AP1G1: variants seen among roughly 807,000 people sequenced by gnomAD.
The protein encoded by AP1G1 is AP-1 complex subunit gamma-1.
In AP1G1, 7 loss-of-function variants were observed where a neutral mutation model predicts 108.3. The observed-to-expected ratio is 0.06, with a 90% CI of 0.04 to 0.12. The LOEUF (loss-of-function observed/expected upper bound fraction) is 0.12, where lower values mean the gene tolerates loss of function less well. Ranked by LOEUF, AP1G1 falls within the 10% of genes least tolerant of loss-of-function variation. AP1G1 has a pLI of 1.00. For missense variants in AP1G1, 756 were observed against 1,010.7 expected (o/e 0.75, Z 3.42); for synonymous variants, 379 against 353.5 (o/e 1.07, Z -0.81).
intron 3 of AP1G1, 189 bp downstream of exon 3, chr16:71,774,279 G>A (rs1034451595): frequency 7.1e-6 from 4 of 567,218 alleles, no homozygotes; most frequent in Non-Finnish European, 1.2e-5. Context: ...GCAGGAGGCT[G>A]AGGCAGGAGA....
At position 71,738,813 on chromosome 16, in the gene AP1G1, T is replaced by C. The variant is rs935130568; in HGVS notation, c.2268+129A>G. The C allele has an allele frequency of 2.7e-5, 22 of 824,468 alleles. 1 individual carries two copies. The highest frequency in any genetic ancestry group is 1.4e-4 in the African/African-American group (8 of 57,918). 51.1% of individuals were successfully genotyped at this position (824,468 alleles called of 1,614,324 possible). On this transcript the variant is annotated intron_variant, in intron 21 of 22. Transcript: ENST00000299980. ...CTTCCATGAACCATAAGCTACATTA[T>C]TGTTAGTTTGAATTAAGTCTACAAA...
chr16:71,748,267 A>G lies in AP1G1; in HGVS notation c.1609T>C (p.Phe537Leu). The G allele has an allele frequency of 6.2e-7, 1 of 1,614,086 alleles. No individual in the cohort carries two copies. Residue 537 changes from phenylalanine (F) to leucine (L), a missense_variant, in exon 16 of 23, where the codon TTC (phenylalanine) becomes CTC (leucine). By Grantham distance (22) the Phe-to-Leu change is conservative (BLOSUM62 0). Around this residue, in one of 3 missense-constraint regions of AP1G1, gnomAD observed 357 missense variants for 366.5 expected, o/e 0.97. Transcript: ENST00000299980. Reference protein sequence around the residue: ...LTAIMKLSTRFTCTVNRIKKV... With the variant: ...LTAIMKLSTRLTCTVNRIKKV... Reference sequence around the variant, plus strand: ...AATACTCACTTTACAGTACAAGTGAATCGAGTGGAAAGCTTCATAATGGCA... The same window carrying G: ...AATACTCACTTTACAGTACAAGTGAGTCGAGTGGAAAGCTTCATAATGGCA...
At position 71,730,099 on chromosome 16, in the gene AP1G1, G is replaced by A. The variant is rs2045463457; in HGVS notation, c.*2959C>T. The A allele has an allele frequency of 1.3e-5, 2 of 152,536 alleles. No homozygotes were observed. Among genetic ancestry groups the A allele is most frequent in the African/African-American group, 2.4e-5 (1 of 41,442 alleles). The allele number at this position is 152,536 out of a possible 1,614,324, so 9.4% of individuals were successfully genotyped here. A position where few individuals can be genotyped will look rare whatever the true frequency, so the allele number is the denominator to read the frequency against. ...AAGAGGAAAGAATCCCCTCCCAAAT[G>A]TTACACTGAGGAATGTTTCTTTAAA... On this transcript the variant is annotated 3_prime_UTR_variant, in exon 23 of 23. Transcript: ENST00000299980.
At chr16:71,808,060 G>A (rs1430717733) in intron 1 of AP1G1, 5 of 1,175,926 alleles carry the variant, frequency 4.3e-6, no homozygotes, top group African/African-American at 3.2e-5. Context: ...GTCCTAACCG[G>A]GAAACACAAT....
chr16:71,746,780 G>A, intron 16 of AP1G1, 88 bp from the exon 17 acceptor site: 1 of 921,992 alleles, frequency 1.1e-6, no homozygotes. Context: ...AGAATTTTCT[G>A]GTTAAAATAC....
chr16:71,741,656 G>A (rs936561832), intron 19 of AP1G1, among the ~76,000 whole-genome samples: 11 of 152,116 alleles, frequency 7.2e-5, no homozygotes, highest in Middle Eastern at 3.2e-3. Context: ...AAGCAAGCAC[G>A]AGAAGCTAAA....
chr16:71,769,921 T>C (rs2031503689), intron 5 of AP1G1, among the ~76,000 whole-genome samples: 1 of 152,232 alleles, frequency 6.6e-6, no homozygotes, highest in Non-Finnish European at 1.5e-5. Flanking sequence ...TTTCAACAAT[T>C]ATGTGATCAA....
chr16:71,794,459 C>T (rs1029037297), intron 1 of AP1G1, among the ~76,000 whole-genome samples: 1 of 151,854 alleles, frequency 6.6e-6, no homozygotes, highest in Non-Finnish European at 1.5e-5. Context: ...AAAAGTCTGA[C>T]TTAAGGGACA....
chr16:71,784,439 T>C (rs1433494389), intron 2 of AP1G1, among the ~76,000 whole-genome samples: 1 of 152,222 alleles, frequency 6.6e-6, no homozygotes, highest in East Asian at 1.9e-4. Flanking sequence ...ACTGGCCTTA[T>C]GCTCTAAATG....
Position 71,746,705 on chromosome 16 carries a change from T to G in AP1G1, c.1626-13A>C. ...TTTCTTAATTCGGCTATAGATAAAA[T>G]GACAAACGAAATAAAATACCCAAAA... On this transcript the variant is annotated splice_polypyrimidine_tract_variant and intron_variant, in intron 16 of 22. Transcript: ENST00000299980. 1 of 1,584,784 alleles carries G rather than the reference T, an allele frequency of 6.3e-7. No homozygotes were observed. The highest frequency in any genetic ancestry group is 2.2e-5 in the East Asian group (1 of 44,696).
At chr16:71,770,038 A>C (rs1224111924) in intron 5 of AP1G1, among the ~76,000 whole-genome samples, 1 of 152,220 alleles carries the variant, frequency 6.6e-6, no homozygotes, top group Non-Finnish European at 1.5e-5. Flanking sequence ...CTTAATCAGT[A>C]AGCTATTATC....
chr16:71,797,729 G>A (rs941259890), intron 1 of AP1G1, among the ~76,000 whole-genome samples: 1 of 152,082 alleles, frequency 6.6e-6, no homozygotes, highest in African/African-American at 2.4e-5. Flanking sequence ...AACCCAGGAG[G>A]CGGGGATTGC....
chr16:71,744,198 C>T (rs1045238602), intron 19 of AP1G1, among the ~76,000 whole-genome samples: 1 of 151,962 alleles, frequency 6.6e-6, no homozygotes, highest in South Asian at 2.1e-4. Flanking sequence ...GAGTCGAGAT[C>T]GTGCCACTGC....
At position 71,736,098 on chromosome 16, in the gene AP1G1, C is replaced by CAAAAAAAAAAAAAA. The variant is rs1213680207; in HGVS notation, c.2269-1405_2269-1392dup. Among the ~76,000 whole-genome samples, 67 of 25,408 alleles carry CAAAAAAAAAAAAAA rather than the reference C, an allele frequency of 2.6e-3. 14 individuals carry two copies. The East Asian group carries it at 0.093, about 35-fold the overall frequency. The allele number at this position is 25,408 out of a possible 152,430, so 16.7% of individuals were successfully genotyped here. On this transcript the variant is annotated intron_variant, in intron 21 of 22. Coordinates refer to ENST00000299980, the MANE Select transcript of AP1G1 (RefSeq NM_001128.6). ...TGGGTGACAGAGTGAGACTCCATCT[C>CAAAAAAAAAAAAAA]AAAAAAAAAAAAAAAAAAAATATAT...
chr16:71,750,304 A>G lies in AP1G1; in HGVS notation c.1313T>C (p.Val438Ala). Residue 438 changes from valine (V) to alanine (A), a missense_variant, in exon 14 of 23, where the codon GTC (valine) becomes GCC (alanine). By Grantham distance (64) the Val-to-Ala change is moderately conservative. This residue lies in a region of AP1G1 where 357 missense variants were observed against 366.5 expected (regional missense o/e 0.97). Coordinates refer to ENST00000299980, the MANE Select transcript of AP1G1 (RefSeq NM_001128.6). ...TAGSYVRDDA[V>A]PNLIQLITNS... ...AGTTATTAACTGGATTAAATTGGGG[A>G]CTGCATCATCACGAACATAACTTCC... 1 of 1,614,100 alleles carries G rather than the reference A, an allele frequency of 6.2e-7. No individual in the cohort carries two copies. The highest frequency in any genetic ancestry group is 8.5e-7 in the Non-Finnish European group (1 of 1,179,984).
At position 71,730,375 on chromosome 16, in the gene AP1G1, T is replaced by C. The variant is rs2045465805; in HGVS notation, c.*2683A>G. 1 of 152,182 alleles carries C rather than the reference T, an allele frequency of 6.6e-6. No individual in the cohort carries two copies. Among genetic ancestry groups the C allele is most frequent in the African/African-American group, 2.4e-5 (1 of 41,402 alleles). 9.4% of individuals were successfully genotyped at this position (152,182 alleles called of 1,614,324 possible). ...TAATGAAGTACAAGTGCATGTGAAA[T>C]TGTCAAAGTAAGTGTGTGAGGGCTC... On this transcript the variant is annotated 3_prime_UTR_variant, in exon 23 of 23. Transcript: ENST00000299980.
At chr16:71,792,080 A>G (rs1200772801) in intron 1 of AP1G1, among the ~76,000 whole-genome samples, 2 of 152,086 alleles carry the variant, frequency 1.3e-5, no homozygotes, top group African/African-American at 4.8e-5. Flanking sequence ...ACTCTTATAC[A>G]AGGGATGGCT....
intron 6 of AP1G1, among the ~76,000 whole-genome samples, chr16:71,769,296 A>AAC (rs2031474927): frequency 6.6e-6 from 1 of 151,952 alleles, no homozygotes; most frequent in African/African-American, 2.4e-5. Context: ...AAAAAAAAAC[A>AAC]ACACACACAA....
chr16:71,774,599 A>T lies in AP1G1; in HGVS notation c.202-7T>A, dbSNP rs759291704. ...TAAGCTTGAGGCACTCCAACTGCAA[A>T]AAAAGAAAAAAAAAAAGAAGGAAAT... On this transcript the variant is annotated splice_region_variant and splice_polypyrimidine_tract_variant and intron_variant, in intron 2 of 22. Transcript: ENST00000299980. The T allele has an allele frequency of 1.2e-5, 19 of 1,552,658 alleles. No individual in the cohort carries two copies. Among genetic ancestry groups the T allele is most frequent in the Non-Finnish European group, 1.6e-5 (19 of 1,155,534 alleles).
Sources: allele counts gnomAD v4.1 joint callset (sites outside exome capture counted in the v4.1 genomes callset), GRCh38; gene constraint gnomAD v4.1.1; regional missense constraint gnomAD v4.1.1; transcripts MANE v1.5; gene names NCBI Gene and HGNC (gene_info 2026-07-23, HGNC 2026-07-21).